Variants in DCN observed in about 807,000 individuals in gnomAD.
DCN encodes the protein bone proteoglycan II.
Under a neutral mutation model 36.5 loss-of-function variants are expected in DCN, and 17 were observed. The observed-to-expected ratio is 0.47, with a 90% CI of 0.32 to 0.70. DCN has a LOEUF of 0.70. Among genes scored for constraint, DCN ranks in the 30% least tolerant of loss-of-function variants. The pLI, the probability that DCN is intolerant of heterozygous loss-of-function variation, is 0.04. For missense variants in DCN, 389 were observed against 430.1 expected, an observed-to-expected ratio of 0.90 and a Z score of 0.84; for synonymous variants, 163 against 161.4, an observed-to-expected ratio of 1.01 and a Z score of -0.07.
Position 91,151,758 on chromosome 12 carries a change from C to G in DCN, c.781G>C (p.Asp261His). 6.2e-7 allele frequency: 1 copy of G among 1,614,060 alleles called. No individual in the cohort carries two copies. Among genetic ancestry groups the G allele is most frequent in the Non-Finnish European group, 8.5e-7 (1 of 1,179,968 alleles). The change falls in exon 7 of 8, where the codon GAC becomes CAC. Residue 261 changes from aspartate to histidine, a missense_variant. Physicochemically the swap from Asp to His is moderately conservative, Grantham distance 81. Coordinates refer to ENST00000052754, the MANE Select transcript of DCN (RefSeq NM_001920.5). Reference protein sequence around the residue: ...GLSFNSISAVDNGSLANTPHL... With the variant: ...GLSFNSISAVHNGSLANTPHL... Reference sequence around the variant, plus strand: ...GGCGTGTTGGCCAGAGAGCCATTGTCAACAGCAGAGATGCTGTTGAAACTC... The same window carrying G: ...GGCGTGTTGGCCAGAGAGCCATTGTGAACAGCAGAGATGCTGTTGAAACTC...
rs755803507 is a variant in DCN, at chr12:91,178,582, G to A, written c.-30C>T. The A allele has an allele frequency of 3.2e-6, 5 of 1,586,476 alleles. No individual in the cohort carries two copies. Among genetic ancestry groups the A allele is most frequent in the Non-Finnish European group, 4.3e-6 (5 of 1,155,166 alleles). On this transcript the variant is annotated 5_prime_UTR_variant, in exon 2 of 8. Coordinates refer to ENST00000052754, the MANE Select transcript of DCN (RefSeq NM_001920.5). The stretch of plus-strand genomic sequence containing the variant: ...TATCTCATGTATTTTCACAACCAGG[G>A]AACCTAGGAAACAAATGAGAGATTT...
At position 91,146,244 on chromosome 12, in the gene DCN, G is replaced by A; in HGVS notation, c.894C>T (p.Tyr298=). Residue 298 remains tyrosine (Y), a synonymous_variant, in exon 8 of 8, where the codon TAC becomes TAT. Transcript: ENST00000052754. The part of the protein sequence containing the change: ...LAEHKYIQVV[Y]LHNNNISVVG... The stretch of plus-strand genomic sequence containing the variant: ...CTACAGAGATATTGTTGTTATGAAG[G>A]TAGACAACCTACAACATGAAACGAT... 1 of 1,597,780 alleles carries A rather than the reference G, an allele frequency of 6.3e-7. No individual in the cohort carries two copies. The highest frequency in any genetic ancestry group is 8.6e-7 in the Non-Finnish European group (1 of 1,165,820).
At chr12:91,179,717 T>C (rs1443499194) in intron 1 of DCN, 1 of 152,166 alleles carries the variant, frequency 6.6e-6, no homozygotes, top group Non-Finnish European at 1.5e-5. Context: ...ATTAGCTTTT[T>C]TTCAGTATCG....
chr12:91,169,378 C>CA (rs58056993), intron 2 of DCN, among the ~76,000 whole-genome samples: 847 of 72,894 alleles, frequency 0.012, 8 homozygotes, highest in Non-Finnish European at 0.013. Context: ...GAGATCCTGT[C>CA]AAAAAAAAAA....
chr12:91,182,597 C>T (rs1257480170), intron 1 of DCN, 58 bp downstream of exon 1: 1 of 151,706 alleles, frequency 6.6e-6, no homozygotes, highest in Non-Finnish European at 1.5e-5. Flanking sequence ...TTGCTCGCAA[C>T]TTGACCGAAG....
intron 5 of DCN, among the ~76,000 whole-genome samples, chr12:91,154,664 C>A (rs1236283955): frequency 1.3e-5 from 2 of 152,088 alleles, no homozygotes; most frequent in Non-Finnish European, 2.9e-5. Context: ...AGTTAAAGAA[C>A]CCATACTCCA....
At chr12:91,148,458 C>A (rs1031522577) in intron 7 of DCN, among the ~76,000 whole-genome samples, 1 of 151,938 alleles carries the variant, frequency 6.6e-6, no homozygotes, top group Admixed American at 6.6e-5. Context: ...TGGCTTATGT[C>A]TGTAATCTCA....
rs1438437840 is a variant in DCN at position 91,143,815 on chromosome 12, GATATATATATAA to G, written c.*2231_*2242del. On this transcript the variant is annotated 3_prime_UTR_variant, in exon 8 of 8. Transcript: ENST00000052754. Reference sequence around the variant, plus strand: ...ACATATATATGTATATATGCAAAAAGATATATATATAAATATATATATATAAAGATATATATG... The same window carrying G: ...ACATATATATGTATATATGCAAAAAGATATATATATATAAAGATATATATG... The G allele has an allele frequency of 2.0e-5, 3 of 146,446 alleles. No individual in the cohort carries two copies. Among genetic ancestry groups the G allele is most frequent in the African/African-American group, 7.5e-5 (3 of 40,038 alleles). 9.1% of individuals were successfully genotyped at this position (146,446 alleles called of 1,614,324 possible).
chr12:91,149,867 G>T (rs1881291512), intron 7 of DCN, among the ~76,000 whole-genome samples: 1 of 151,970 alleles, frequency 6.6e-6, no homozygotes, highest in Non-Finnish European at 1.5e-5. Flanking sequence ...TGTAGTAAAA[G>T]AATTGCAAGG....
At chr12:91,166,543 C>T (rs1882585626) in intron 2 of DCN, among the ~76,000 whole-genome samples, 1 of 152,154 alleles carries the variant, frequency 6.6e-6, no homozygotes, top group Admixed American at 6.5e-5. Context: ...CCTTCTTGGG[C>T]ACCTTCATCA....
intron 2 of DCN, among the ~76,000 whole-genome samples, chr12:91,169,467 A>AAATAAGCT (rs1882807500): frequency 6.6e-6 from 1 of 151,832 alleles, no homozygotes; most frequent in South Asian, 2.1e-4. Context: ...TGACTCATAT[A>AAATAAGCT]AATAAGCTAT....
chr12:91,162,478 G>A (rs900825428), intron 3 of DCN, among the ~76,000 whole-genome samples: 5 of 151,860 alleles, frequency 3.3e-5, no homozygotes, highest in Middle Eastern at 3.2e-3. Flanking sequence ...TTATTCTAAT[G>A]TATATCAGAT....
At chr12:91,178,299 TA>T in intron 2 of DCN, 42 bp downstream of exon 2, 1 of 1,550,886 alleles carries the variant, frequency 6.4e-7, no homozygotes, top group Non-Finnish European at 8.9e-7. Flanking sequence ...TTCCCAAGAA[TA>T]AAACAAGTAA....
At chr12:91,169,129 G>T (rs1195274811) in intron 2 of DCN, among the ~76,000 whole-genome samples, 1 of 152,082 alleles carries the variant, frequency 6.6e-6, no homozygotes, top group Non-Finnish European at 1.5e-5. Context: ...GGGTGCTGTG[G>T]CTCTTGCCTC....
chr12:91,163,787 TC>T (rs1429295142), intron 3 of DCN, among the ~76,000 whole-genome samples: 4 of 152,214 alleles, frequency 2.6e-5, no homozygotes, highest in South Asian at 2.1e-4. Context: ...TATCTTTTTT[TC>T]ACTTGATTCC....
intron 2 of DCN, among the ~76,000 whole-genome samples, chr12:91,167,418 CA>C (rs1882640753): frequency 6.6e-6 from 1 of 151,558 alleles, no homozygotes; most frequent in Admixed American, 6.6e-5. Flanking sequence ...ACAATAAAAG[CA>C]GTGTGGTTAG....
chr12:91,163,413 A>C (rs1344540141), intron 3 of DCN, among the ~76,000 whole-genome samples: 1 of 152,164 alleles, frequency 6.6e-6, no homozygotes, highest in Non-Finnish European at 1.5e-5. Context: ...AAGTAGATGC[A>C]ACCACACAAG....
intron 5 of DCN, among the ~76,000 whole-genome samples, chr12:91,155,343 T>C (rs531079965): frequency 6.6e-6 from 1 of 152,164 alleles, no homozygotes; most frequent in Non-Finnish European, 1.5e-5. Flanking sequence ...TTTGGCATGA[T>C]ACCCGGAACT....
chr12:91,178,224 A>T, intron 2 of DCN, 118 bp downstream of exon 2: 1 of 874,330 alleles, frequency 1.1e-6, no homozygotes, highest in Non-Finnish European at 1.9e-6. Flanking sequence ...ACTCCTCATT[A>T]GGTGGCACTG....
Sources: allele counts gnomAD v4.1 joint callset (sites outside exome capture counted in the v4.1 genomes callset), GRCh38; gene constraint gnomAD v4.1.1; transcripts MANE v1.5; gene names NCBI Gene and HGNC (gene_info 2026-07-23, HGNC 2026-07-21).